The following PRKCH variants were observed in gnomAD, a reference collection of about 807,000 sequenced individuals.
The protein encoded by PRKCH is protein kinase C eta.
In PRKCH, 28 loss-of-function variants were observed where a neutral mutation model predicts 82.5. That is an observed-to-expected ratio of 0.34 (90% CI 0.25 to 0.47). PRKCH has a LOEUF of 0.47. PRKCH is among the 20% of genes least tolerant of loss of function. PRKCH has a pLI of 1.00. For synonymous variants in PRKCH, 322 were observed against 327.4 expected (o/e 0.98, Z 0.18); for missense variants, 705 against 881.8 (o/e 0.80, Z 2.54).
Position 61,338,528 on chromosome 14 carries a change from G to A in PRKCH, c.363+16064G>A, listed in dbSNP as rs1476461876. ...AAACAAAATGTTAACTTTTGTTTGGGTGGTAAGAGATGGATTTCAAAATGG... is the reference window on the plus strand; with the variant it reads ...AAACAAAATGTTAACTTTTGTTTGGATGGTAAGAGATGGATTTCAAAATGG... On this transcript the variant is annotated intron_variant, in intron 1 of 13. Coordinates refer to ENST00000332981, the MANE Select transcript of PRKCH (RefSeq NM_006255.5). Among the ~76,000 whole-genome samples the A allele has an allele frequency of 2.6e-5, 4 of 152,084 alleles. No homozygotes were observed. The East Asian group carries it at 5.8e-4, about 22-fold the overall frequency.
intron 1 of PRKCH, among the ~76,000 whole-genome samples, chr14:61,380,655 A>T (rs2046493154): frequency 6.6e-6 from 1 of 152,206 alleles, no homozygotes; most frequent in African/African-American, 2.4e-5. Context: ...GAGGAATTGC[A>T]GTGGAGTATT....
At chr14:61,547,648 C>G (rs2043275467) in intron 12 of PRKCH, 95 bp from the exon 13 acceptor site, 1 of 1,468,028 alleles carries the variant, frequency 6.8e-7, no homozygotes, top group Non-Finnish European at 9.2e-7. Flanking sequence ...CAGAAAGTCT[C>G]GCACAGCTCC....
chr14:61,221,954 G>T (rs562190051), intron 1 of PRKCH, among the ~76,000 whole-genome samples: 6 of 152,286 alleles, frequency 3.9e-5, no homozygotes, highest in African/African-American at 1.4e-4. Flanking sequence ...CACAGAGATT[G>T]CCATCCCATG....
chr14:61,530,319 T>C (rs942257590), intron 11 of PRKCH, 88 bp from the exon 12 acceptor site: 1 of 1,340,350 alleles, frequency 7.5e-7, no homozygotes, highest in Non-Finnish European at 9.9e-7. Context: ...CTTTGATATT[T>C]CCTAATGCAT....
At position 61,389,543 on chromosome 14, in the gene PRKCH, A is replaced by G. The variant is rs182153804; in HGVS notation, c.364-1682A>G. Among the ~76,000 whole-genome samples the G allele has an allele frequency of 2.4e-3, 364 of 151,770 alleles. 4 individuals carry two copies. The highest frequency in any genetic ancestry group is 7.1e-4 in the Non-Finnish European group (48 of 67,900). On this transcript the variant is annotated intron_variant, in intron 1 of 13. Transcript: ENST00000332981. ...TCTACATACATACATACATACCTAG[A>G]TAAGCAGGCAAGCTGGTTATGGTGG...
In PRKCH at chr14:61,309,526, T is replaced by C. The variant is rs937452998; in HGVS notation, c.-19+121858T>C. Among the ~76,000 whole-genome samples, 7 of 152,216 alleles carry C rather than the reference T, an allele frequency of 4.6e-5. 1 individual carries two copies. ...AAATTCAGTTTCTCATTTAATTCTG[T>C]GCAATTATATGATTTGTCCAAGGCC... is the stretch of plus-strand genomic sequence containing the variant. On this transcript the variant is annotated intron_variant, in intron 1 of 3. Transcript: ENST00000555185.
intron 1 of PRKCH, among the ~76,000 whole-genome samples, chr14:61,341,329 C>G (rs1396286855): frequency 6.6e-6 from 1 of 152,170 alleles, no homozygotes; most frequent in Admixed American, 6.5e-5. Context: ...GGAAGATACT[C>G]CTTTGTAATT....
intron 1 of PRKCH, among the ~76,000 whole-genome samples, chr14:61,211,965 C>T (rs891386097): frequency 4.6e-5 from 7 of 152,128 alleles, no homozygotes; most frequent in Non-Finnish European, 1.0e-4. Flanking sequence ...GAAGAGGCCG[C>T]CAGCAGCCCC....
At chr14:61,288,622 T>C (rs1467320337) in intron 1 of PRKCH, among the ~76,000 whole-genome samples, 1 of 152,226 alleles carries the variant, frequency 6.6e-6, no homozygotes, top group African/African-American at 2.4e-5. Flanking sequence ...GTTTTCTTTC[T>C]GTAGGAAAAG....
At chr14:61,507,760 A>G (rs987339648) in intron 10 of PRKCH, among the ~76,000 whole-genome samples, 3 of 152,128 alleles carry the variant, frequency 2.0e-5, no homozygotes, top group Non-Finnish European at 1.5e-5. Context: ...GTGGTTGCCA[A>G]GGGTGGTTGG....
chr14:61,188,370 T>C (rs1040154267), intron 1 of PRKCH, among the ~76,000 whole-genome samples: 4 of 152,138 alleles, frequency 2.6e-5, no homozygotes, highest in Non-Finnish European at 4.4e-5. Flanking sequence ...GCCCACAGCC[T>C]GCAAACCGAG....
At chr14:61,349,735 C>T (rs576358718) in intron 1 of PRKCH, among the ~76,000 whole-genome samples, 1 of 152,252 alleles carries the variant, frequency 6.6e-6, no homozygotes, top group South Asian at 2.1e-4. Context: ...GAAGTGTACA[C>T]CTGTAATCCC....
At chr14:61,544,926 T>C (rs910668131) in intron 12 of PRKCH, among the ~76,000 whole-genome samples, 2 of 152,192 alleles carry the variant, frequency 1.3e-5, no homozygotes, top group Non-Finnish European at 2.9e-5. Flanking sequence ...CAACTCTTCC[T>C]TCCAATTAAC....
rs1234867152 is a variant in PRKCH at position 61,529,752 on chromosome 14, T to C, written c.1572+539T>C. Among the ~76,000 whole-genome samples the C allele has an allele frequency of 2.1e-4, 17 of 82,840 alleles. 2 individuals carry two copies. The Admixed American group carries it at 2.6e-3, about 13-fold the overall frequency. 54.3% of individuals were successfully genotyped at this position (82,840 alleles called of 152,430 possible). On this transcript the variant is annotated intron_variant, in intron 11 of 13. Transcript: ENST00000332981. ...GGGGAATATCACACTCTGGGGACTGTGGTGGGGTGGGGGGAGGGGGGAGGG... is the reference window on the plus strand; with the variant it reads ...GGGGAATATCACACTCTGGGGACTGCGGTGGGGTGGGGGGAGGGGGGAGGG...
chr14:61,454,229 G>A (rs952532439), intron 7 of PRKCH, among the ~76,000 whole-genome samples: 10 of 151,634 alleles, frequency 6.6e-5, no homozygotes, highest in Non-Finnish European at 1.3e-4. Flanking sequence ...TCAGCCTCCC[G>A]AGCAGCTGGA....
intron 2 of PRKCH, among the ~76,000 whole-genome samples, chr14:61,410,040 C>T (rs923848700): frequency 3.9e-5 from 6 of 152,170 alleles, no homozygotes; most frequent in African/African-American, 7.2e-5. Flanking sequence ...TGTATTTTTA[C>T]AGCATTTGGC....
At chr14:61,211,269 T>C (rs1293729749) in intron 1 of PRKCH, among the ~76,000 whole-genome samples, 2 of 152,280 alleles carry the variant, frequency 1.3e-5, no homozygotes, top group South Asian at 4.1e-4. Flanking sequence ...AGAAGAACAG[T>C]GACAGCGTGC....
chr14:61,279,259 T>C (rs2045234155), intron 1 of PRKCH: 1 of 152,218 alleles, frequency 6.6e-6, no homozygotes, highest in Non-Finnish European at 1.5e-5. Context: ...GCCAACTAGT[T>C]TTCCCCAGAT....
intron 9 of PRKCH, among the ~76,000 whole-genome samples, chr14:61,463,721 T>A (rs924716340): frequency 6.6e-6 from 1 of 152,242 alleles, no homozygotes; most frequent in Non-Finnish European, 1.5e-5. Flanking sequence ...ATTTTTTTGG[T>A]CAACATCTCT....
Sources: gnomAD v4.1 joint callset for allele counts (sites outside exome capture counted in the v4.1 genomes callset) on GRCh38, gnomAD v4.1.1 for gene constraint, MANE v1.5 for transcripts, NCBI Gene and HGNC (gene_info 2026-07-23, HGNC 2026-07-21) for gene names.